Variants in CFAP299 observed in about 807,000 individuals in gnomAD.
CFAP299 encodes the protein cilia and flagella associated protein 299, also known as cilia- and flagella-associated protein 299.
A neutral mutation model predicts 27.0 loss-of-function variants in CFAP299; 21 were observed. The ratio of observed to expected loss-of-function variants is 0.78; its 90% CI spans 0.55 to 1.12. The LOEUF (loss-of-function observed/expected upper bound fraction) is 1.12. CFAP299 is among the 50% of genes most tolerant of loss of function. CFAP299 has a pLI of 0.00. For synonymous variants in CFAP299, 104 were observed against 98.1 expected, an observed-to-expected ratio of 1.06 and a Z score of -0.36; for missense variants, 310 against 276.6, an observed-to-expected ratio of 1.12 and a Z score of -0.86.
Position 80,912,271 on chromosome 4 carries a change from C to T in CFAP299, c.477-32539C>T, listed in dbSNP as rs566496378. 1.6e-4 allele frequency among the ~76,000 whole-genome samples: 25 copies of T among 152,286 alleles called. 1 individual carries two copies. Among genetic ancestry groups the T allele is most frequent in the African/African-American group, 5.5e-4 (23 of 41,556 alleles). On this transcript the variant is annotated intron_variant, in intron 4 of 5. Transcript: ENST00000358105. ...ACCTCCACTGGGAAAATTAACATTTCGGCTGCAGCTACAGAATAGTTAGCC... is the reference window on the plus strand; with the variant it reads ...ACCTCCACTGGGAAAATTAACATTTTGGCTGCAGCTACAGAATAGTTAGCC...
chr4:80,602,742 T>C (rs1285373082), intron 3 of CFAP299, among the ~76,000 whole-genome samples: 2 of 152,020 alleles, frequency 1.3e-5, no homozygotes, highest in East Asian at 3.9e-4. Context: ...GCTTCCACTT[T>C]CAAACAAGGC....
intron 1 of CFAP299, among the ~76,000 whole-genome samples, chr4:80,341,772 A>G (rs1411915192): frequency 6.6e-6 from 1 of 152,230 alleles, no homozygotes; most frequent in African/African-American, 2.4e-5. Context: ...TTTTCCTCCA[A>G]ATAACTGCAA....
At chr4:80,755,173 A>G (rs1253720966) in intron 3 of CFAP299, among the ~76,000 whole-genome samples, 1 of 152,038 alleles carries the variant, frequency 6.6e-6, no homozygotes, top group Non-Finnish European at 1.5e-5. Context: ...TTTTTGTCTG[A>G]TTATGTAATA....
chr4:80,469,022 GA>G (rs1578480056), intron 2 of CFAP299, among the ~76,000 whole-genome samples: 2 of 151,576 alleles, frequency 1.3e-5, no homozygotes, highest in Middle Eastern at 3.2e-3. Context: ...ATAAATCTGA[GA>G]AAAAAAAGCA....
At chr4:80,355,224 G>A (rs1381942482) in intron 1 of CFAP299, among the ~76,000 whole-genome samples, 1 of 152,006 alleles carries the variant, frequency 6.6e-6, no homozygotes, top group Non-Finnish European at 1.5e-5. Flanking sequence ...ATTCCGATTG[G>A]CATGAGATGG....
the CFAP299 span, among the ~76,000 whole-genome samples, chr4:80,327,451 T>C: frequency 1.3e-5 from 2 of 151,818 alleles, no homozygotes; most frequent in Non-Finnish European, 2.9e-5. Flanking sequence ...GCAGTGGAAG[T>C]CAATGAGGAT....
intron 2 of CFAP299, among the ~76,000 whole-genome samples, chr4:80,551,131 CAAT>C (rs533604934): frequency 6.6e-6 from 1 of 151,978 alleles, no homozygotes; most frequent in Admixed American, 6.6e-5. Context: ...ATATAAGCAA[CAAT>C]AATATTTTTA....
At chr4:80,923,288 A>T (rs1454410639) in intron 4 of CFAP299, among the ~76,000 whole-genome samples, 1 of 152,068 alleles carries the variant, frequency 6.6e-6, no homozygotes, top group Non-Finnish European at 1.5e-5. Flanking sequence ...TGCAATTCAC[A>T]TACACACCCT....
chr4:80,763,279 C>A (rs746869515), intron 3 of CFAP299, among the ~76,000 whole-genome samples: 2 of 152,000 alleles, frequency 1.3e-5, no homozygotes, highest in Admixed American at 6.5e-5. Flanking sequence ...AATTAATATG[C>A]AAAAATCACA....
At chr4:80,717,415 C>T (rs1295414126) in intron 3 of CFAP299, among the ~76,000 whole-genome samples, 1 of 152,118 alleles carries the variant, frequency 6.6e-6, no homozygotes, top group East Asian at 1.9e-4. Flanking sequence ...TTGAGATATA[C>T]AAAGTCATAT....
chr4:80,764,967 A>C (rs1029936388), intron 3 of CFAP299, among the ~76,000 whole-genome samples: 40 of 152,126 alleles, frequency 2.6e-4, no homozygotes, highest in African/African-American at 9.4e-4. Flanking sequence ...GAGGGATAGC[A>C]TAAGGACAAA....
At chr4:80,907,689 A>C (rs944464361) in intron 4 of CFAP299, among the ~76,000 whole-genome samples, 1 of 152,204 alleles carries the variant, frequency 6.6e-6, no homozygotes, top group Admixed American at 6.5e-5. Context: ...TACTATCACA[A>C]GAACAGCATG....
the CFAP299 span, among the ~76,000 whole-genome samples, chr4:80,321,645 C>T: frequency 1.2e-3 from 188 of 152,294 alleles, no homozygotes; most frequent in African/African-American, 4.3e-3. Flanking sequence ...AATTACAAAA[C>T]ACATGGGGAG....
intron 3 of CFAP299, among the ~76,000 whole-genome samples, chr4:80,841,597 T>C (rs990574056): frequency 6.6e-6 from 1 of 152,062 alleles, no homozygotes; most frequent in Non-Finnish European, 1.5e-5. Flanking sequence ...AAAGGTGGTA[T>C]TAAGATTATA....
chr4:80,778,568 G>T lies in CFAP299; in HGVS notation c.334-91425G>T, dbSNP rs899971252. ...GTTTACTACCCCCTCCTTCTTCACA[G>T]ATACTGCTGGTACAAATTACTTTTA... On this transcript the variant is annotated intron_variant, in intron 3 of 5. Transcript: ENST00000358105. Among the ~76,000 whole-genome samples the T allele has an allele frequency of 2.0e-5, 3 of 151,950 alleles. No homozygotes were observed. The South Asian group carries it at 6.2e-4, about 32-fold the overall frequency.
intron 2 of CFAP299, among the ~76,000 whole-genome samples, chr4:80,466,664 C>T (rs1332787243): frequency 6.6e-6 from 1 of 152,148 alleles, no homozygotes; most frequent in Admixed American, 6.5e-5. Flanking sequence ...TAGCCTACTC[C>T]AAACCACAGA....
chr4:80,370,254 T>C (rs1488072252), intron 2 of CFAP299, among the ~76,000 whole-genome samples: 1 of 152,090 alleles, frequency 6.6e-6, no homozygotes, highest in African/African-American at 2.4e-5. Flanking sequence ...CATTATCCAA[T>C]CACCTCCCAC....
chr4:80,581,489 T>TATATATATATATATATGA (rs1736172631), intron 2 of CFAP299, among the ~76,000 whole-genome samples: 1 of 130,994 alleles, frequency 7.6e-6, no homozygotes, highest in Non-Finnish European at 1.6e-5. Flanking sequence ...TATATATATA[T>TATATATATATATATATGA]GACAAGCTGA....
chr4:80,879,910 T>C (rs891751802), intron 4 of CFAP299, among the ~76,000 whole-genome samples: 1 of 152,216 alleles, frequency 6.6e-6, no homozygotes, highest in Non-Finnish European at 1.5e-5. Context: ...TCAGAATGCC[T>C]ACATACCTTC....
Sources: gnomAD v4.1 joint callset for allele counts (sites outside exome capture counted in the v4.1 genomes callset) on GRCh38, gnomAD v4.1.1 for gene constraint, MANE v1.5 for transcripts, NCBI Gene and HGNC (gene_info 2026-07-23, HGNC 2026-07-21) for gene names.